Variants in FAT4 observed in about 807,000 individuals in gnomAD.
FAT4 encodes FAT atypical cadherin 4.
In FAT4, 84 loss-of-function variants were observed where a neutral mutation model predicts 303.9. The ratio of observed to expected loss-of-function variants is 0.28; its 90% CI spans 0.23 to 0.33. The LOEUF (loss-of-function observed/expected upper bound fraction) is 0.33. Among genes scored for constraint, FAT4 ranks in the 10% least tolerant of loss-of-function variants. FAT4 has a pLI of 1.00. For missense variants in FAT4, 6,005 were observed against 6,146.8 expected (o/e 0.98, Z 0.77); for synonymous variants, 2,307 against 2,298.8 (o/e 1.00, Z -0.10).
intron 16 of FAT4, 62 bp downstream of exon 16, chr4:125,481,800 T>C: frequency 1.4e-6 from 2 of 1,390,344 alleles, no homozygotes; most frequent in Non-Finnish European, 2.0e-6. Flanking sequence ...GTGGTTTAAA[T>C]CACTTCCCCC....
intron 8 of FAT4, among the ~76,000 whole-genome samples, chr4:125,443,155 G>A (rs1363968482): frequency 6.6e-6 from 1 of 152,056 alleles, no homozygotes; most frequent in Non-Finnish European, 1.5e-5. Context: ...TCAGGAAGAG[G>A]CAAAGAAGTT....
chr4:125,363,473 A>G (rs910259681), intron 2 of FAT4, among the ~76,000 whole-genome samples: 5 of 151,582 alleles, frequency 3.3e-5, no homozygotes, highest in African/African-American at 7.3e-5. Flanking sequence ...TTTCAATTCT[A>G]TATCAATATA....
intron 2 of FAT4, among the ~76,000 whole-genome samples, chr4:125,375,205 C>G (rs1420504773): frequency 6.6e-6 from 1 of 152,158 alleles, no homozygotes; most frequent in Non-Finnish European, 1.5e-5. Context: ...AGAGTTTAAT[C>G]ATTATTTTAG....
chr4:125,408,645 A>C lies in FAT4; in HGVS notation c.5771A>C (p.Gln1924Pro). The change falls in exon 5 of 18, where the codon CAA (glutamine) becomes CCA (proline). Residue 1924 changes from glutamine (Q) to proline (P), a missense_variant. Coordinates refer to ENST00000394329, the MANE Select transcript of FAT4 (RefSeq NM_001291303.3). ...GTTCGAGCAGAAGATGGTGGGGGAC[A>C]ATTTACTACCATCAGAGTTTATTTC... is the stretch of plus-strand genomic sequence containing the variant. ...LTVRAEDGGG[Q>P]FTTIRVYFNI... is the part of the protein sequence containing the mutation. 2 of 1,611,028 alleles carry C rather than the reference A, an allele frequency of 1.2e-6. No individual in the cohort carries two copies. Among genetic ancestry groups the C allele is most frequent in the Non-Finnish European group, 1.7e-6 (2 of 1,177,652 alleles).
Position 125,481,641 on chromosome 4 carries a change from C to A in FAT4, c.12725C>A (p.Pro4242His). The A allele has an allele frequency of 6.2e-7, 1 of 1,614,012 alleles. No homozygotes were observed. The highest frequency in any genetic ancestry group is 8.5e-7 in the Non-Finnish European group (1 of 1,179,946). ...RQSLRGAMLE[P>H]FGVNSLEVKF... is the part of the protein sequence containing the mutation. The stretch of plus-strand genomic sequence containing the variant: ...AGCTTACGAGGTGCCATGTTGGAGC[C>A]TTTTGGTGTGAACAGTCTGGAAGTA... The change falls in exon 16 of 18, where the codon CCT (proline) becomes CAT (histidine). Residue 4242 changes from proline (P) to histidine (H), a missense_variant. Transcript: ENST00000394329.
chr4:125,332,704 TA>T lies in FAT4; in HGVS notation c.5175+11120del, dbSNP rs533144401. On this transcript the variant is annotated intron_variant, in intron 2 of 17. Transcript: ENST00000394329. ...TAGAAATCGTTTTTTGTCCATGACT[TA>T]ATGCAGTTTTCTTAATTGAGGTCGA... Among the ~76,000 whole-genome samples, 94 of 152,218 alleles carry T rather than the reference TA, an allele frequency of 6.2e-4. 1 individual carries two copies. Among genetic ancestry groups the T allele is most frequent in the African/African-American group, 2.2e-3 (90 of 41,572 alleles).
intron 2 of FAT4, among the ~76,000 whole-genome samples, chr4:125,352,868 C>T (rs374878621): frequency 6.6e-6 from 1 of 151,750 alleles, no homozygotes; most frequent in Non-Finnish European, 1.5e-5. Context: ...TAAGACTACA[C>T]TGAATTCTAC....
At chr4:125,371,027 A>T (rs1307154658) in intron 2 of FAT4, among the ~76,000 whole-genome samples, 1 of 151,990 alleles carries the variant, frequency 6.6e-6, no homozygotes, top group African/African-American at 2.4e-5. Context: ...GCATGCCTGT[A>T]ATCCCAGCTA....
intron 8 of FAT4, among the ~76,000 whole-genome samples, chr4:125,443,215 T>A (rs1725718924): frequency 6.6e-6 from 1 of 152,154 alleles, no homozygotes; most frequent in Admixed American, 6.5e-5. Flanking sequence ...AATAGTTGAT[T>A]TAGGGTTCAG....
At chr4:125,348,515 C>T (rs938236783) in intron 2 of FAT4, among the ~76,000 whole-genome samples, 4 of 151,604 alleles carry the variant, frequency 2.6e-5, no homozygotes, top group African/African-American at 9.7e-5. Flanking sequence ...AGGAAGTGAA[C>T]CAACACCCAG....
intron 2 of FAT4, among the ~76,000 whole-genome samples, chr4:125,351,979 G>A (rs1428988127): frequency 1.3e-5 from 2 of 151,642 alleles, no homozygotes; most frequent in African/African-American, 4.8e-5. Context: ...GATGCTACCT[G>A]TTGAAGCATT....
chr4:125,328,900 T>C (rs1434580164), intron 2 of FAT4, among the ~76,000 whole-genome samples: 1 of 152,228 alleles, frequency 6.6e-6, no homozygotes, highest in Non-Finnish European at 1.5e-5. Context: ...TGATTATTTC[T>C]ATACATTTGT....
At chr4:125,378,817 A>T (rs1042982669) in intron 2 of FAT4, among the ~76,000 whole-genome samples, 9 of 152,272 alleles carry the variant, frequency 5.9e-5, no homozygotes, top group African/African-American at 2.2e-4. Flanking sequence ...ATTAAGAATA[A>T]AAAGAAAATT....
At position 125,342,103 on chromosome 4, in the gene FAT4, G is replaced by A. The variant is rs545378718; in HGVS notation, c.5175+20517G>A. ...TTTCTCAAAGTAAAAAAATGAGCTTGGCATTATTGAATGTTGGTTGAATGA... is the reference window on the plus strand; with the variant it reads ...TTTCTCAAAGTAAAAAAATGAGCTTAGCATTATTGAATGTTGGTTGAATGA... On this transcript the variant is annotated intron_variant, in intron 2 of 17. Transcript: ENST00000394329. Among the ~76,000 whole-genome samples, 104 of 151,896 alleles carry A rather than the reference G, an allele frequency of 6.8e-4. 1 individual carries two copies. The South Asian group carries it at 0.02, about 30-fold the overall frequency.
intron 7 of FAT4, among the ~76,000 whole-genome samples, chr4:125,433,664 GTTAGCT>G: frequency 6.6e-6 from 1 of 152,200 alleles, no homozygotes; most frequent in Non-Finnish European, 1.5e-5. Context: ...ATGATTCTGA[GTTAGCT>G]CATCATTATG....
intron 2 of FAT4, among the ~76,000 whole-genome samples, chr4:125,390,604 G>C (rs1252097459): frequency 1.3e-5 from 2 of 152,132 alleles, no homozygotes; most frequent in Admixed American, 6.5e-5. Flanking sequence ...AATTTTAGTA[G>C]TACCTACACA....
At position 125,318,249 on chromosome 4, in the gene FAT4, G is replaced by T. The variant is rs1730733900; in HGVS notation, c.1838G>T (p.Gly613Val). Residue 613 changes from glycine (G) to valine (V), a missense_variant, in exon 2 of 18, where the codon GGT becomes GTT. Transcript: ENST00000394329. Reference protein sequence around the residue: ...LMLRATDGDLGDNGTVRFSLQ... With the variant: ...LMLRATDGDLVDNGTVRFSLQ... The stretch of plus-strand genomic sequence containing the variant: ...CTCAGGGCAACTGACGGGGACCTGG[G>T]TGACAACGGAACAGTGCGCTTCTCC... The T allele has an allele frequency of 6.2e-7, 1 of 1,614,114 alleles. No homozygotes were observed. Among genetic ancestry groups the T allele is most frequent in the South Asian group, 1.1e-5 (1 of 91,088 alleles).
chr4:125,479,215 C>T (rs747004736), intron 14 of FAT4, among the ~76,000 whole-genome samples: 1 of 152,150 alleles, frequency 6.6e-6, no homozygotes, highest in Non-Finnish European at 1.5e-5. Flanking sequence ...TCACTATACC[C>T]TTTCTCACCT....
At chr4:125,463,117 A>G (rs1726536680) in intron 10 of FAT4, among the ~76,000 whole-genome samples, 1 of 152,060 alleles carries the variant, frequency 6.6e-6, no homozygotes, top group Non-Finnish European at 1.5e-5. Flanking sequence ...TCTTAGTAGT[A>G]GAAAGAGTGT....
Sources: allele counts gnomAD v4.1 joint callset (sites outside exome capture counted in the v4.1 genomes callset), GRCh38; gene constraint gnomAD v4.1.1; transcripts MANE v1.5; gene names NCBI Gene and HGNC (gene_info 2026-07-23, HGNC 2026-07-21).